PCNX2: variants seen among roughly 807,000 people sequenced by gnomAD.
PCNX2 encodes the protein pecanex 2, also known as pecanex-like protein 2.
Under a neutral mutation model 223.8 loss-of-function variants are expected in PCNX2, and 168 were observed. That is an observed-to-expected ratio of 0.75 (90% CI 0.66 to 0.85). The LOEUF (loss-of-function observed/expected upper bound fraction) is 0.85. PCNX2 is among the 40% of genes least tolerant of loss of function. The probability of loss-of-function intolerance (pLI) is 0.00; values close to 1 mark genes in which losing one functional copy is unlikely to be tolerated. For missense variants in PCNX2, 2,507 were observed against 2,675.5 expected (o/e 0.94, Z 1.39); for synonymous variants, 1,006 against 1,052.6 (o/e 0.96, Z 0.86).
intron 10 of PCNX2, 40 bp downstream of exon 10, chr1:233,227,186 T>C: frequency 1.3e-6 from 2 of 1,560,882 alleles, no homozygotes. Context: ...ACGTCCCCGG[T>C]GTGCCTTCCG....
intron 2 of PCNX2, 70 bp downstream of exon 2, chr1:233,262,888 A>T (rs1660131303): frequency 1.4e-6 from 2 of 1,470,884 alleles, no homozygotes; most frequent in Admixed American, 1.7e-5. Flanking sequence ...ATAAACACTG[A>T]TAAAAAACTT....
chr1:233,182,087 G>C (rs977432380), intron 15 of PCNX2, among the ~76,000 whole-genome samples: 2 of 152,130 alleles, frequency 1.3e-5, no homozygotes, highest in Non-Finnish European at 2.9e-5. Context: ...GTGTGACACT[G>C]GCTAAGTTAC....
At chr1:233,039,941 C>T (rs1302366266) in intron 25 of PCNX2, among the ~76,000 whole-genome samples, 1 of 151,842 alleles carries the variant, frequency 6.6e-6, no homozygotes, top group Non-Finnish European at 1.5e-5. Flanking sequence ...TTTGTTTGAA[C>T]TATTAGATGA....
intron 15 of PCNX2, among the ~76,000 whole-genome samples, chr1:233,194,792 G>A (rs1409290238): frequency 5.9e-5 from 9 of 152,012 alleles, no homozygotes; most frequent in Non-Finnish European, 8.8e-5. Flanking sequence ...CGAGGCAGGC[G>A]GATCACGAGG....
chr1:233,092,126 T>C (rs1049509767), intron 22 of PCNX2, among the ~76,000 whole-genome samples: 10 of 151,940 alleles, frequency 6.6e-5, no homozygotes, highest in African/African-American at 2.4e-4. Context: ...TTGAAAAAAA[T>C]ATTAGAAAGC....
chr1:233,292,555 AACAGAAAAGTTC>A (rs1414501102), intron 1 of PCNX2, among the ~76,000 whole-genome samples: 1 of 152,244 alleles, frequency 6.6e-6, no homozygotes. Flanking sequence ...ACAAAAAGAA[AACAGAAAAGTTC>A]ACAGAACTTT....
upstream of PCNX2, among the ~76,000 whole-genome samples, chr1:233,295,933 T>TTCCTTC (rs1558437024): frequency 2.0e-4 from 29 of 142,892 alleles, no homozygotes; most frequent in African/African-American, 6.4e-4. This position sits in a 1 kb window ranked among gnomAD's most constrained non-coding sequence, Gnocchi z 4.1. Context: ...TCTCTCTCTT[T>TTCCTTC]CTTCCTTCCT....
chr1:233,125,089 A>G (rs1676022477), intron 21 of PCNX2, among the ~76,000 whole-genome samples: 1 of 152,080 alleles, frequency 6.6e-6, no homozygotes, highest in African/African-American at 2.4e-5. Flanking sequence ...ACCTTGAAGA[A>G]CTCACTCTGT....
At chr1:233,054,227 C>G (rs1214378062) in intron 25 of PCNX2, 41 bp downstream of exon 25, 3 of 1,571,154 alleles carry the variant, frequency 1.9e-6, no homozygotes, top group Admixed American at 1.8e-5. Context: ...TTAACTCAAG[C>G]AACCAACTTT....
chr1:233,169,682 T>G (rs77614205), intron 17 of PCNX2, among the ~76,000 whole-genome samples: 12,635 of 149,744 alleles, frequency 0.084, 719 homozygotes, highest in East Asian at 0.3. Context: ...TAACCATAAA[T>G]TGCATATAAT....
In PCNX2 at chr1:233,035,109, AG is replaced by A. The variant is rs889877265; in HGVS notation, c.4352-9711del. Among the ~76,000 whole-genome samples the A allele has an allele frequency of 1.2e-4, 19 of 152,236 alleles. 1 individual carries two copies. Among genetic ancestry groups the A allele is most frequent in the Admixed American group, 1.2e-3 (19 of 15,288 alleles). On this transcript the variant is annotated intron_variant, in intron 25 of 33. Coordinates refer to ENST00000258229, the MANE Select transcript of PCNX2 (RefSeq NM_014801.4). ...AAACATGGAGATAATGGGACTTCAA[AG>A]GGACGTTAAACATGGTCCCCTGCAA...
At position 233,214,911 on chromosome 1, in the gene PCNX2, G is replaced by A. The variant is rs527571680; in HGVS notation, c.2691+2988C>T. Among the ~76,000 whole-genome samples, 195 of 152,100 alleles carry A rather than the reference G, an allele frequency of 1.3e-3. 1 individual carries two copies. Among genetic ancestry groups the A allele is most frequent in the African/African-American group, 4.2e-3 (173 of 41,488 alleles). On this transcript the variant is annotated intron_variant, in intron 12 of 33. Coordinates refer to ENST00000258229, the MANE Select transcript of PCNX2 (RefSeq NM_014801.4). ...TATGCAAAAACTTTATTTTCATTTC[G>A]CTATCTTCTGATTTTAACAACTTGC...
At chr1:233,074,458 A>T (rs1210677755) in intron 23 of PCNX2, among the ~76,000 whole-genome samples, 2 of 150,890 alleles carry the variant, frequency 1.3e-5, no homozygotes, top group Non-Finnish European at 3.0e-5. Flanking sequence ...AGCTGGGCGT[A>T]GTGGCGGGCG....
At chr1:233,130,276 C>G (rs201287224) in intron 21 of PCNX2, among the ~76,000 whole-genome samples, 1 of 152,170 alleles carries the variant, frequency 6.6e-6, no homozygotes, top group Admixed American at 6.5e-5. Flanking sequence ...GACCAAGAAC[C>G]CACCAATTCC....
chr1:233,156,039 C>T (rs975477085), intron 19 of PCNX2, among the ~76,000 whole-genome samples: 1 of 152,126 alleles, frequency 6.6e-6, no homozygotes, highest in South Asian at 2.1e-4. Flanking sequence ...GTCCCCATGA[C>T]CATCATGATT....
At chr1:233,217,842 C>T (rs1360152891) in intron 12 of PCNX2, 57 bp downstream of exon 12, 18 of 1,605,542 alleles carry the variant, frequency 1.1e-5, no homozygotes, top group Non-Finnish European at 1.4e-5. Flanking sequence ...TTGGCTTTTT[C>T]CCTGTCTTCA....
intron 9 of PCNX2, among the ~76,000 whole-genome samples, chr1:233,235,967 T>TATATATATATATATAC (rs1558376585): frequency 7.5e-6 from 1 of 133,278 alleles, no homozygotes; most frequent in African/African-American, 3.2e-5. Flanking sequence ...AATATATATA[T>TATATATATATATATAC]ATATATATAT....
At chr1:233,223,873 T>C (rs1441013085) in intron 10 of PCNX2, among the ~76,000 whole-genome samples, 1 of 152,186 alleles carries the variant, frequency 6.6e-6, no homozygotes, top group African/African-American at 2.4e-5. Context: ...TATAGCTAGC[T>C]ACCTCTCATT....
the PCNX2 span, among the ~76,000 whole-genome samples, chr1:233,304,410 A>G: frequency 6.6e-6 from 1 of 152,230 alleles, no homozygotes. Flanking sequence ...CGACAAAAAG[A>G]CTATGTTAAT....
Sources: gnomAD v4.1 joint callset for allele counts (sites outside exome capture counted in the v4.1 genomes callset) on GRCh38, gnomAD v4.1.1 for gene constraint, Gnocchi (gnomAD v3.1) non-coding constraint, MANE v1.5 for transcripts, NCBI Gene and HGNC (gene_info 2026-07-23, HGNC 2026-07-21) for gene names.